COL24A1: variants seen among roughly 807,000 people sequenced by gnomAD.
The protein encoded by COL24A1 is collagen alpha-1(XXIV) chain.
A neutral mutation model predicts 253.9 loss-of-function variants in COL24A1; 224 were observed. That is an observed-to-expected ratio of 0.88 (90% CI 0.79 to 0.99). The LOEUF (loss-of-function observed/expected upper bound fraction) is 0.99. Among genes scored for constraint, COL24A1 ranks in the 50% least tolerant of loss-of-function variants. The probability of loss-of-function intolerance (pLI) is 0.00; values close to 1 mark genes in which losing one functional copy is unlikely to be tolerated. For missense variants in COL24A1, 2,131 were observed against 2,068.5 expected, an observed-to-expected ratio of 1.03 and a Z score of -0.59; for synonymous variants, 685 against 673.7, an observed-to-expected ratio of 1.02 and a Z score of -0.26.
At chr1:85,878,887 G>A (rs1164733648) in intron 32 of COL24A1, among the ~76,000 whole-genome samples, 1 of 152,038 alleles carries the variant, frequency 6.6e-6, no homozygotes, top group African/African-American at 2.4e-5. Context: ...ATCTTCTTTG[G>A]TGTGGTGTCT....
intron 55 of COL24A1, among the ~76,000 whole-genome samples, chr1:85,760,068 T>G (rs1015957684): frequency 2.6e-5 from 4 of 151,144 alleles, no homozygotes; most frequent in Admixed American, 1.3e-4. Flanking sequence ...GTTTTTTTTT[T>G]TTTTTTGTTT....
intron 20 of COL24A1, among the ~76,000 whole-genome samples, chr1:85,981,338 A>G (rs548810841): frequency 1.3e-5 from 2 of 152,282 alleles, no homozygotes; most frequent in South Asian, 4.1e-4. Context: ...AATAAAGCCA[A>G]ATATTTACAG....
chr1:85,756,506 T>C (rs1666277332), intron 55 of COL24A1, among the ~76,000 whole-genome samples: 2 of 151,986 alleles, frequency 1.3e-5, no homozygotes, highest in African/African-American at 4.8e-5. Context: ...AAAACCACAA[T>C]GAGATACCGC....
intron 24 of COL24A1, among the ~76,000 whole-genome samples, chr1:85,957,243 A>C (rs1690561494): frequency 6.6e-6 from 1 of 152,156 alleles, no homozygotes; most frequent in Non-Finnish European, 1.5e-5. Flanking sequence ...TAATGCATGC[A>C]GGGTTTAAAA....
intron 43 of COL24A1, among the ~76,000 whole-genome samples, chr1:85,835,848 A>C (rs1675941344): frequency 6.6e-6 from 1 of 152,192 alleles, no homozygotes; most frequent in South Asian, 2.1e-4. Context: ...CGTTCAAGAC[A>C]CACTACCCCA....
intron 37 of COL24A1, among the ~76,000 whole-genome samples, chr1:85,858,993 C>T (rs1342141748): frequency 6.6e-6 from 1 of 152,064 alleles, no homozygotes; most frequent in Non-Finnish European, 1.5e-5. Flanking sequence ...CCGTCTCAGC[C>T]TCCCAAATGC....
At chr1:85,893,256 G>C (rs778219205) in intron 31 of COL24A1, among the ~76,000 whole-genome samples, 17 of 151,650 alleles carry the variant, frequency 1.1e-4, no homozygotes, top group African/African-American at 3.4e-4. Context: ...GTATTACCAG[G>C]AGTAAAAAGT....
At chr1:85,986,357 T>C (rs1693721772) in intron 20 of COL24A1, among the ~76,000 whole-genome samples, 1 of 151,828 alleles carries the variant, frequency 6.6e-6, no homozygotes, top group Non-Finnish European at 1.5e-5. Flanking sequence ...TCTCCCCTCT[T>C]TAAACCATCC....
intron 12 of COL24A1, 66 bp from the exon 13 acceptor site, chr1:86,033,989 C>CA: frequency 7.9e-7 from 1 of 1,267,292 alleles, no homozygotes; most frequent in South Asian, 1.6e-5. Context: ...TATTTTCTAA[C>CA]AAAGAATTTA....
At chr1:85,860,279 G>T (rs1236507495) in intron 37 of COL24A1, among the ~76,000 whole-genome samples, 2 of 152,074 alleles carry the variant, frequency 1.3e-5, no homozygotes, top group African/African-American at 2.4e-5. Flanking sequence ...TCACATAGTT[G>T]TGTAACCATC....
intron 28 of COL24A1, among the ~76,000 whole-genome samples, chr1:85,904,970 T>C (rs774480901): frequency 2.6e-5 from 4 of 152,138 alleles, no homozygotes; most frequent in Non-Finnish European, 4.4e-5. Flanking sequence ...GAGAAGCAGA[T>C]AGTAAGCAGA....
At chr1:85,885,197 CATTT>C (rs10555407) in intron 32 of COL24A1, among the ~76,000 whole-genome samples, 78,188 of 150,428 alleles carry the variant, frequency 0.52, 21,241 homozygotes, top group South Asian at 0.69. Context: ...CCAGAAAACA[CATTT>C]ATTTATTTAC....
intron 24 of COL24A1, among the ~76,000 whole-genome samples, chr1:85,912,186 G>A (rs1230133381): frequency 6.6e-6 from 1 of 152,064 alleles, no homozygotes; most frequent in Non-Finnish European, 1.5e-5. Context: ...GAATATTCTA[G>A]GTAGAGTAAA....
At chr1:86,101,421 G>A (rs2390017) in intron 5 of COL24A1, among the ~76,000 whole-genome samples, 135,204 of 152,120 alleles carry the variant, frequency 0.89, 60,659 homozygotes, top group Non-Finnish European at 0.95. Flanking sequence ...TTCCAGTACT[G>A]TGTTGAATAG....
At chr1:86,111,048 T>G (rs1308438492) in intron 5 of COL24A1, among the ~76,000 whole-genome samples, 1 of 152,222 alleles carries the variant, frequency 6.6e-6, no homozygotes, top group African/African-American at 2.4e-5. Flanking sequence ...TATGTCTAGC[T>G]GAAGGATTGT....
At chr1:86,043,311 G>A (rs1174971273) in intron 12 of COL24A1, among the ~76,000 whole-genome samples, 1 of 151,612 alleles carries the variant, frequency 6.6e-6, no homozygotes, top group African/African-American at 2.4e-5. Flanking sequence ...AACATATCGT[G>A]TACCTAATAA....
intron 5 of COL24A1, among the ~76,000 whole-genome samples, chr1:86,097,143 C>T (rs1703950094): frequency 6.6e-6 from 1 of 152,024 alleles, no homozygotes; most frequent in African/African-American, 2.4e-5. Flanking sequence ...GTTTTGTCAT[C>T]TTAAAAAAAG....
At chr1:86,059,014 T>TCATTATTTAA in intron 9 of COL24A1, 107 bp downstream of exon 9, 1 of 651,724 alleles carries the variant, frequency 1.5e-6, no homozygotes, top group Non-Finnish European at 2.5e-6. Context: ...TATGAGTTAT[T>TCATTATTTAA]CATTATTTAA....
At chr1:85,854,394 C>G (rs1215491162) in intron 37 of COL24A1, among the ~76,000 whole-genome samples, 1 of 152,088 alleles carries the variant, frequency 6.6e-6, no homozygotes, top group Non-Finnish European at 1.5e-5. Flanking sequence ...AAGTCAGGTA[C>G]TTGTGATGCC....
Sources: allele counts gnomAD v4.1 joint callset (sites outside exome capture counted in the v4.1 genomes callset), GRCh38; gene constraint gnomAD v4.1.1; transcripts MANE v1.5; gene names NCBI Gene and HGNC (gene_info 2026-07-23, HGNC 2026-07-21).